PRDM1: variants seen among roughly 807,000 people sequenced by gnomAD.
The protein encoded by PRDM1 is PR domain zinc finger protein 1.
PRDM1 carries 13 observed loss-of-function variants against 62.8 expected under a neutral mutation model. That is an observed-to-expected ratio of 0.21 (90% confidence interval 0.13 to 0.33). The LOEUF (loss-of-function observed/expected upper bound fraction) is 0.33. PRDM1 is among the 10% of genes least tolerant of loss of function. The pLI is 1.00. For synonymous variants in PRDM1, 396 were observed against 417.6 expected (o/e 0.95, Z 0.63); for missense variants, 895 against 1,058.8 (o/e 0.85, Z 2.15).
At chr6:106,098,632 A>T (rs1377502997) in intron 3 of PRDM1, 20 of 1,328,510 alleles carry the variant, frequency 1.5e-5, no homozygotes, top group Non-Finnish European at 1.8e-5. Flanking sequence ...TCTCAGTAAT[A>T]GACTGTCAAA....
chr6:106,014,746 T>C (rs1165609017), intron 1 of PRDM1, among the ~76,000 whole-genome samples: 1 of 151,910 alleles, frequency 6.6e-6, no homozygotes, highest in East Asian at 1.9e-4. Flanking sequence ...TCCTGAGAGA[T>C]AGAACACATT....
At position 106,032,988 on chromosome 6, in the gene PRDM1, A is replaced by G. The variant is rs561963732; in HGVS notation, c.-67+39349A>G. 1.8e-4 allele frequency among the ~76,000 whole-genome samples: 28 copies of G among 152,258 alleles called. No homozygotes were observed. The East Asian group carries it at 5.4e-3, about 29-fold the overall frequency. ...AATATTTTCTCATTTAATCCTCACA[A>G]AAGCCCTATGAGGTGGGTTGTATTA... On this transcript the variant is annotated intron_variant, in intron 1 of 6. Coordinates refer to the PRDM1 transcript ENST00000652320.
At position 106,098,466 on chromosome 6, in the gene PRDM1, A is replaced by G. The variant is rs190538877; in HGVS notation, c.412-834A>G. 1.5e-5 allele frequency: 18 copies of G among 1,185,456 alleles called. No individual in the cohort carries two copies. The East Asian group carries it at 1.1e-3, about 70-fold the overall frequency. The allele number at this position is 1,185,456 out of a possible 1,614,324, so 73.4% of individuals were successfully genotyped here. A position where few individuals can be genotyped will look rare whatever the true frequency, so the allele number is the denominator to read the frequency against. ...CATTCTGCGTTGCCTTTAAGGAACAACATACTTTCTTCCTGTTCTTTTTCC... is the reference window on the plus strand; with the variant it reads ...CATTCTGCGTTGCCTTTAAGGAACAGCATACTTTCTTCCTGTTCTTTTTCC... On this transcript the variant is annotated intron_variant, in intron 3 of 6. Transcript: ENST00000369096.
rs778243247 is a variant in PRDM1, at chr6:106,107,623, T to G, written c.*137T>G. On this transcript the variant is annotated 3_prime_UTR_variant, in exon 7 of 7. Transcript: ENST00000369096. ...AATGGTTTCCCCTCACCTCTGGAAT[T>G]AAAGAAGGAACTCCAAAGTTACTGA... The G allele has an allele frequency of 1.4e-5, 9 of 665,790 alleles. No homozygotes were observed. The highest frequency in any genetic ancestry group is 5.5e-5 in the African/African-American group (3 of 54,820). 41.2% of individuals were successfully genotyped at this position (665,790 alleles called of 1,614,324 possible).
rs75854213 is a variant in PRDM1, at chr6:106,065,844, A to G, written c.-67+17130A>G. ...CATAATCCTAATGGATTGACTTCCAAAATTCCTTGGATTTGTCCTGCTGTA... is the reference window on the plus strand; with the variant it reads ...CATAATCCTAATGGATTGACTTCCAGAATTCCTTGGATTTGTCCTGCTGTA... On this transcript the variant is annotated intron_variant, in intron 1 of 6. Coordinates refer to the PRDM1 transcript ENST00000651185. 3.6e-4 allele frequency among the ~76,000 whole-genome samples: 55 copies of G among 152,282 alleles called. 1 individual carries two copies. Among genetic ancestry groups the G allele is most frequent in the Non-Finnish European group, 7.1e-4 (48 of 68,022 alleles).
chr6:106,105,957 C>A, intron 5 of PRDM1, 24 bp downstream of exon 5: 2 of 1,596,428 alleles, frequency 1.3e-6, no homozygotes, highest in South Asian at 1.1e-5. Context: ...GAGAGCAGTC[C>A]AAGGGGCTGT....
At chr6:106,060,487 A>T (rs1269911353) in intron 1 of PRDM1, among the ~76,000 whole-genome samples, 1 of 152,166 alleles carries the variant, frequency 6.6e-6, no homozygotes, top group Non-Finnish European at 1.5e-5. Flanking sequence ...AGACATAGAT[A>T]ACTCACTCGA....
intron 1 of PRDM1, among the ~76,000 whole-genome samples, chr6:106,040,159 C>T (rs1267962480): frequency 6.6e-6 from 1 of 152,240 alleles, no homozygotes; most frequent in Non-Finnish European, 1.5e-5. Context: ...CTGCTTAACT[C>T]TTTCTTATCT....
chr6:106,038,714 C>T (rs1355356329), intron 1 of PRDM1, among the ~76,000 whole-genome samples: 3 of 152,204 alleles, frequency 2.0e-5, no homozygotes, highest in Admixed American at 2.0e-4. Flanking sequence ...TGGCAAGCTG[C>T]TCCAGGAGTA....
intron 1 of PRDM1, among the ~76,000 whole-genome samples, chr6:106,070,436 C>T (rs1044503073): frequency 2.0e-5 from 3 of 151,964 alleles, no homozygotes; most frequent in Non-Finnish European, 2.9e-5. Context: ...TTTGCCTTAC[C>T]ACAATCTATT....
At chr6:106,093,885 T>C (rs1427934025) in intron 2 of PRDM1, among the ~76,000 whole-genome samples, 5 of 152,196 alleles carry the variant, frequency 3.3e-5, no homozygotes, top group South Asian at 2.1e-4. Context: ...TCAACTTATG[T>C]TAGGTGTAGG....
intron 1 of PRDM1, among the ~76,000 whole-genome samples, chr6:106,028,360 C>T (rs1241045921): frequency 6.6e-6 from 1 of 152,174 alleles, no homozygotes; most frequent in Non-Finnish European, 1.5e-5. Context: ...TTTTAACTAA[C>T]TGAGGTAATG....
chr6:106,013,177 C>T (rs1282124912), intron 1 of PRDM1, among the ~76,000 whole-genome samples: 2 of 152,022 alleles, frequency 1.3e-5, no homozygotes, highest in Non-Finnish European at 2.9e-5. Context: ...AGCCATCATG[C>T]CTGGCCATAC....
chr6:106,088,492 C>T (rs1168085320), intron 2 of PRDM1, 43 bp downstream of exon 2: 1 of 1,611,472 alleles, frequency 6.2e-7, no homozygotes, highest in South Asian at 1.1e-5. Context: ...GGACCTGGTG[C>T]CAAATCTCCC....
At chr6:106,056,288 C>T (rs1181546491) in intron 1 of PRDM1, among the ~76,000 whole-genome samples, 1 of 152,188 alleles carries the variant, frequency 6.6e-6, no homozygotes, top group Non-Finnish European at 1.5e-5. Context: ...TCTGCACTCA[C>T]CCACAGATCC....
intron 1 of PRDM1, chr6:106,087,537 A>G (rs1359345948): frequency 4.3e-6 from 1 of 232,546 alleles, no homozygotes. Flanking sequence ...GGTCCAAGTG[A>G]TTTCTAAGAG....
Position 106,027,310 on chromosome 6 carries a change from C to T in PRDM1, c.-67+33671C>T, listed in dbSNP as rs148970923. Among the ~76,000 whole-genome samples the T allele has an allele frequency of 3.3e-5, 5 of 152,314 alleles. No individual in the cohort carries two copies. The East Asian group carries it at 9.6e-4, about 29-fold the overall frequency. The stretch of plus-strand genomic sequence containing the variant: ...TTCCATTTGGCAAAGCCATCCTGCA[C>T]AATGTCCACAGAAACCCCAAGAGTC... On this transcript the variant is annotated intron_variant, in intron 1 of 6. Coordinates refer to the PRDM1 transcript ENST00000652320.
chr6:106,000,554 C>T (rs972258585), intron 1 of PRDM1, among the ~76,000 whole-genome samples: 1 of 147,168 alleles, frequency 6.8e-6, no homozygotes, highest in Non-Finnish European at 1.5e-5. Context: ...CCCTCCCTCA[C>T]CAAGGTTATT....
chr6:106,021,232 T>C (rs1772693301), intron 1 of PRDM1, among the ~76,000 whole-genome samples: 1 of 152,232 alleles, frequency 6.6e-6, no homozygotes, highest in South Asian at 2.1e-4. Flanking sequence ...TCTTTTTACT[T>C]TTTAAAAAGT....
Sources: gnomAD v4.1 joint callset for allele counts (sites outside exome capture counted in the v4.1 genomes callset) on GRCh38, gnomAD v4.1.1 for gene constraint, MANE v1.5 for transcripts, NCBI Gene and HGNC (gene_info 2026-07-23, HGNC 2026-07-21) for gene names.